Variants in INPP5A observed in about 807,000 individuals in gnomAD.
The protein encoded by INPP5A is inositol polyphosphate-5-phosphatase A.
In INPP5A, 14 loss-of-function variants were observed where a neutral mutation model predicts 65.2. The observed-to-expected ratio is 0.21, with a 90% confidence interval of 0.14 to 0.34. INPP5A has a LOEUF of 0.34. Among genes scored for constraint, INPP5A ranks in the 10% least tolerant of loss-of-function variants. The pLI is 1.00. For missense variants in INPP5A, 431 were observed against 545.6 expected, an observed-to-expected ratio of 0.79 and a Z score of 2.09; for synonymous variants, 207 against 208.3, an observed-to-expected ratio of 0.99 and a Z score of 0.05.
In INPP5A at chr10:132,753,927, C is replaced by T. The variant is rs1345077503; in HGVS notation, c.903+4082C>T. On this transcript the variant is annotated intron_variant, in intron 11 of 15. Coordinates refer to ENST00000368594, the MANE Select transcript of INPP5A (RefSeq NM_005539.5). The surrounding 1 kb of genome is among the most constrained non-coding windows in gnomAD (Gnocchi z 5.3). ...TGGGAGACCATGCGAAATTGGTGAT[C>T]ATGTTTGTGAAAAATCTCAGAGAGA... The T allele has an allele frequency of 6.6e-6, 1 of 152,242 alleles. No individual in the cohort carries two copies. Among genetic ancestry groups the T allele is most frequent in the African/African-American group, 2.4e-5 (1 of 41,462 alleles). The allele number at this position is 152,242 out of a possible 1,614,324, so 9.4% of individuals were successfully genotyped here. A position where few individuals can be genotyped will look rare whatever the true frequency, so the allele number is the denominator to read the frequency against.
At chr10:132,622,316 G>A (rs1382352700) in intron 2 of INPP5A, among the ~76,000 whole-genome samples, 4 of 151,140 alleles carry the variant, frequency 2.6e-5, no homozygotes, top group African/African-American at 4.9e-5. Flanking sequence ...AATATACCGC[G>A]TTCGTGGATT....
At position 132,637,477 on chromosome 10, in the gene INPP5A, C is replaced by T. The variant is rs192268761; in HGVS notation, c.118-8391C>T. On this transcript the variant is annotated intron_variant, in intron 2 of 15. Transcript: ENST00000368594. This position sits in a 1 kb window ranked among gnomAD's most constrained non-coding sequence, Gnocchi z 4.1. ...TTTAAATGTTAGGTGTTTCGGGTGT[C>T]CTTTGGGTCCCTGATCCTCCAAATG... is the stretch of plus-strand genomic sequence containing the variant. 9.3e-5 allele frequency among the ~76,000 whole-genome samples: 14 copies of T among 151,120 alleles called. No homozygotes were observed. Among genetic ancestry groups the T allele is most frequent in the African/African-American group, 3.0e-4 (12 of 40,540 alleles).
intron 9 of INPP5A, among the ~76,000 whole-genome samples, chr10:132,737,405 C>T (rs1590970521): frequency 6.6e-6 from 1 of 150,428 alleles, no homozygotes. Context: ...AGCGCAGCCC[C>T]GTCCTCTGCT....
intron 4 of INPP5A, among the ~76,000 whole-genome samples, chr10:132,679,704 A>G (rs1179573782): frequency 6.6e-6 from 1 of 152,206 alleles, no homozygotes; most frequent in Non-Finnish European, 1.5e-5. Context: ...GAGACAGGAA[A>G]ATGGGCAAAG....
At chr10:132,666,854 G>A (rs1219165348) in intron 4 of INPP5A, among the ~76,000 whole-genome samples, 3 of 152,246 alleles carry the variant, frequency 2.0e-5, no homozygotes, top group South Asian at 4.1e-4. Flanking sequence ...GACTCGGGTA[G>A]AGAAAGATAT....
chr10:132,613,896 A>C (rs1195906422), intron 2 of INPP5A, among the ~76,000 whole-genome samples: 1 of 152,220 alleles, frequency 6.6e-6, no homozygotes, highest in Non-Finnish European at 1.5e-5. Flanking sequence ...TAAATCCTAG[A>C]GTTTCCATTA....
rs577552152 is a variant in INPP5A, at chr10:132,605,173, C to T, written c.76-2742C>T. Among the ~76,000 whole-genome samples the T allele has an allele frequency of 3.0e-3, 262 of 87,774 alleles. 1 individual carries two copies. The highest frequency in any genetic ancestry group is 2.4e-3 in the Non-Finnish European group (107 of 44,380). 57.6% of individuals were successfully genotyped at this position (87,774 alleles called of 152,430 possible). A position where few individuals can be genotyped will look rare whatever the true frequency, so the allele number is the denominator to read the frequency against. ...CCCCCAGGAGGGAGTGGGGAAGGGG[C>T]TGGGGATGGGGAAGAAGTGGATCCC... On this transcript the variant is annotated intron_variant, in intron 1 of 15. Coordinates refer to ENST00000368594, the MANE Select transcript of INPP5A (RefSeq NM_005539.5).
At chr10:132,667,573 T>C (rs1257707615) in intron 4 of INPP5A, among the ~76,000 whole-genome samples, 1 of 152,240 alleles carries the variant, frequency 6.6e-6, no homozygotes, top group Non-Finnish European at 1.5e-5. Flanking sequence ...CCAGACAGCT[T>C]CCTGTCACCC....
chr10:132,717,281 C>CT (rs899912556), intron 8 of INPP5A, among the ~76,000 whole-genome samples: 1 of 151,870 alleles, frequency 6.6e-6, no homozygotes, highest in African/African-American at 2.4e-5. Context: ...GTGCTGGCCC[C>CT]TAAAGGGTTG....
rs2071113083 is a variant in INPP5A at position 132,555,369 on chromosome 10, T to A, written c.75+17198T>A. On this transcript the variant is annotated intron_variant, in intron 1 of 15. Transcript: ENST00000368594. This position sits in a 1 kb window ranked among gnomAD's most constrained non-coding sequence, Gnocchi z 4.4. ...CCCCATTTTACAGGCGCTGGCCCAG[T>A]GGAGCTGCTGGGGCCTATCTGTTTT... Among the ~76,000 whole-genome samples, 1 of 151,982 alleles carries A rather than the reference T, an allele frequency of 6.6e-6. No homozygotes were observed. The highest frequency in any genetic ancestry group is 2.4e-5 in the African/African-American group (1 of 41,342).
chr10:132,692,064 G>A (rs1020045659), intron 5 of INPP5A, among the ~76,000 whole-genome samples: 2 of 152,272 alleles, frequency 1.3e-5, no homozygotes, highest in South Asian at 2.1e-4. Context: ...CGGGCTGGGC[G>A]GTTGGGCTCG....
At chr10:132,740,394 A>G (rs1422530709) in intron 9 of INPP5A, among the ~76,000 whole-genome samples, 1 of 152,146 alleles carries the variant, frequency 6.6e-6, no homozygotes, top group Non-Finnish European at 1.5e-5. Context: ...TTCTCCTTTC[A>G]CAGCGAAAGC....
At chr10:132,774,546 C>T (rs1847011381) in intron 12 of INPP5A, among the ~76,000 whole-genome samples, 1 of 152,220 alleles carries the variant, frequency 6.6e-6, no homozygotes, top group African/African-American at 2.4e-5. Flanking sequence ...CGTGGGCCCC[C>T]ACCCAGCCTG....
At chr10:132,764,420 G>A (rs955625156) in intron 11 of INPP5A, among the ~76,000 whole-genome samples, 6 of 150,768 alleles carry the variant, frequency 4.0e-5, no homozygotes, top group African/African-American at 1.5e-4. Flanking sequence ...GAACACGGTC[G>A]GGTCAGTCCT....
chr10:132,551,310 TG>T lies in INPP5A; in HGVS notation c.75+13142del, dbSNP rs2071046101. ...AGCCTGCGAGTGTGAAGCTGAGAAC[TG>T]GGTTGACTGCCTGCTGCTTTGTTTC... is the stretch of plus-strand genomic sequence containing the variant. On this transcript the variant is annotated intron_variant, in intron 1 of 15. Transcript: ENST00000368594. This position sits in a 1 kb window ranked among gnomAD's most constrained non-coding sequence, Gnocchi z 5.3. Among the ~76,000 whole-genome samples, 1 of 152,176 alleles carries T rather than the reference TG, an allele frequency of 6.6e-6. No homozygotes were observed. The highest frequency in any genetic ancestry group is 2.4e-5 in the African/African-American group (1 of 41,460).
chr10:132,744,700 C>T (rs925474902), intron 9 of INPP5A, among the ~76,000 whole-genome samples: 5 of 152,158 alleles, frequency 3.3e-5, no homozygotes, highest in Non-Finnish European at 5.9e-5. Flanking sequence ...TAACTGTGAA[C>T]GCCCTTTTAC....
At chr10:132,653,789 G>A (rs2072612108) in intron 4 of INPP5A, among the ~76,000 whole-genome samples, 1 of 152,234 alleles carries the variant, frequency 6.6e-6, no homozygotes, top group Non-Finnish European at 1.5e-5. Flanking sequence ...AAAATAGTCT[G>A]CACCCGCTGC....
rs375941297 is a variant in INPP5A at position 132,645,888 on chromosome 10, G to A, written c.138G>A (p.Pro46=). ...TCCAGGTCGTGCACACACACAAGCC[G>A]CACTTCATGGCCTTGCACTGTCAGG... is the stretch of plus-strand genomic sequence containing the variant. The part of the protein sequence containing the change: ...EFYQVVHTHK[P]HFMALHCQEF... Residue 46 remains proline, a synonymous_variant, in exon 3 of 16, where the codon CCG becomes CCA. Transcript: ENST00000368594. 1.2e-5 allele frequency: 19 copies of A among 1,613,656 alleles called. No individual in the cohort carries two copies. The highest frequency in any genetic ancestry group is 3.3e-5 in the Admixed American group (2 of 59,970).
intron 1 of INPP5A, among the ~76,000 whole-genome samples, chr10:132,597,250 C>G (rs369752624): frequency 6.6e-5 from 10 of 152,318 alleles, no homozygotes; most frequent in Admixed American, 2.6e-4. Flanking sequence ...GTGACAGAAC[C>G]TTTTCTGTTC....
Sources: allele counts gnomAD v4.1 joint callset (sites outside exome capture counted in the v4.1 genomes callset), GRCh38; gene constraint gnomAD v4.1.1; non-coding constraint Gnocchi (gnomAD v3.1); transcripts MANE v1.5; gene names NCBI Gene and HGNC (gene_info 2026-07-23, HGNC 2026-07-21).